The following PRKD1 variants were observed in gnomAD, a reference collection of about 807,000 sequenced individuals.
PRKD1 encodes the protein protein kinase D1, also known as serine/threonine-protein kinase D1.
In PRKD1, 63 loss-of-function variants were observed where a neutral mutation model predicts 95.9. That is an observed-to-expected ratio of 0.66 (90% CI 0.54 to 0.81). PRKD1 has a LOEUF of 0.81. PRKD1 is among the 30% of genes least tolerant of loss of function. The pLI, the probability that PRKD1 is intolerant of heterozygous loss-of-function variation, is 0.00. For synonymous variants in PRKD1, 425 were observed against 423.1 expected (o/e 1.00, Z -0.05); for missense variants, 1,048 against 1,165.3 (o/e 0.90, Z 1.47).
At chr14:29,701,220 C>T (rs1463711810) in intron 2 of PRKD1, among the ~76,000 whole-genome samples, 1 of 152,154 alleles carries the variant, frequency 6.6e-6, no homozygotes, top group Non-Finnish European at 1.5e-5. Context: ...AGACTAGCAG[C>T]ATCAGCATCA....
chr14:29,649,414 T>C (rs1421906967), intron 4 of PRKD1, among the ~76,000 whole-genome samples: 1 of 151,062 alleles, frequency 6.6e-6, no homozygotes, highest in Non-Finnish European at 1.5e-5. Flanking sequence ...GGTTTGGTTT[T>C]TGTTACAAGT....
At chr14:29,607,636 A>T (rs1468412030) in intron 13 of PRKD1, among the ~76,000 whole-genome samples, 1 of 151,998 alleles carries the variant, frequency 6.6e-6, no homozygotes, top group African/African-American at 2.4e-5. Context: ...CTGCGTGTGG[A>T]GTCCTTCTCA....
intron 1 of PRKD1, among the ~76,000 whole-genome samples, chr14:29,834,225 GT>G (rs1891525011): frequency 6.6e-6 from 1 of 152,074 alleles, no homozygotes; most frequent in Non-Finnish European, 1.5e-5. Context: ...GCCATTCATT[GT>G]TTTAGTAGAA....
At chr14:29,782,328 T>A (rs1460190746) in intron 1 of PRKD1, among the ~76,000 whole-genome samples, 1 of 152,154 alleles carries the variant, frequency 6.6e-6, no homozygotes, top group Non-Finnish European at 1.5e-5. Flanking sequence ...TCTTGAAGAC[T>A]ATATTAATTT....
chr14:29,843,412 G>T (rs189200671), intron 1 of PRKD1, among the ~76,000 whole-genome samples: 1 of 152,242 alleles, frequency 6.6e-6, no homozygotes, highest in Non-Finnish European at 1.5e-5. Context: ...TGGAAGATAA[G>T]TGCAAGGTAT....
intron 1 of PRKD1, among the ~76,000 whole-genome samples, chr14:29,862,388 T>C (rs1467700195): frequency 6.6e-6 from 1 of 152,222 alleles, no homozygotes; most frequent in Non-Finnish European, 1.5e-5. Context: ...GTGGTATTTC[T>C]GTACCCTCAG....
At chr14:29,760,497 A>T (rs1050352912) in intron 1 of PRKD1, among the ~76,000 whole-genome samples, 1 of 151,842 alleles carries the variant, frequency 6.6e-6, no homozygotes, top group African/African-American at 2.4e-5. Flanking sequence ...CTGGGACTAC[A>T]GGTTTGTGCT....
At chr14:29,634,315 T>C in intron 8 of PRKD1, 103 bp downstream of exon 8, 2 of 1,556,322 alleles carry the variant, frequency 1.3e-6, no homozygotes, top group South Asian at 2.3e-5. Context: ...GTGCTGAGGT[T>C]TACTCTGAGT....
chr14:29,721,515 A>T (rs138026296), intron 2 of PRKD1, among the ~76,000 whole-genome samples: 1 of 152,162 alleles, frequency 6.6e-6, no homozygotes, highest in Non-Finnish European at 1.5e-5. Flanking sequence ...CCAACCAAAC[A>T]AACAGTGTTT....
intron 2 of PRKD1, among the ~76,000 whole-genome samples, chr14:29,686,318 C>T (rs1056444164): frequency 6.6e-6 from 1 of 152,162 alleles, no homozygotes; most frequent in African/African-American, 2.4e-5. Flanking sequence ...GGGGTGGAAG[C>T]GTCTGGGGGA....
At chr14:29,689,268 G>GA (rs199959754) in intron 2 of PRKD1, among the ~76,000 whole-genome samples, 11,972 of 147,996 alleles carry the variant, frequency 0.081, 906 homozygotes, top group African/African-American at 0.2. Context: ...AAATTTACAA[G>GA]AAAAAAAAAA....
chr14:29,826,542 ATG>A (rs1163707042), intron 1 of PRKD1, among the ~76,000 whole-genome samples: 5 of 43,788 alleles, frequency 1.1e-4, no homozygotes, highest in East Asian at 5.8e-4. Flanking sequence ...GATGGAATAT[ATG>A]TATACATATA....
At chr14:29,606,594 C>T (rs992093973) in intron 13 of PRKD1, among the ~76,000 whole-genome samples, 4 of 152,124 alleles carry the variant, frequency 2.6e-5, no homozygotes, top group African/African-American at 4.8e-5. Context: ...TCAGATCATT[C>T]TCAAAAGCCA....
intron 1 of PRKD1, among the ~76,000 whole-genome samples, chr14:29,823,326 T>C (rs1890989787): frequency 6.6e-6 from 1 of 152,228 alleles, no homozygotes. Flanking sequence ...TTTTGATATA[T>C]GTTAAATTAC....
chr14:29,921,347 T>G (rs1895098370), intron 1 of PRKD1, among the ~76,000 whole-genome samples: 1 of 151,664 alleles, frequency 6.6e-6, no homozygotes, highest in African/African-American at 2.4e-5. Flanking sequence ...TACAGCCATA[T>G]TGCTTTTTTT....
At chr14:29,885,360 A>C (rs1893664988) in intron 1 of PRKD1, among the ~76,000 whole-genome samples, 1 of 152,108 alleles carries the variant, frequency 6.6e-6, no homozygotes, top group African/African-American at 2.4e-5. Context: ...ACTGCTATTC[A>C]AAAAAGCAAA....
intron 1 of PRKD1, among the ~76,000 whole-genome samples, chr14:29,904,775 A>C (rs1421614563): frequency 1.3e-5 from 2 of 152,230 alleles, no homozygotes; most frequent in Non-Finnish European, 2.9e-5. Context: ...TTCAAAGGCC[A>C]AGGTGGATTA....
At chr14:29,717,456 A>G (rs1047119141) in intron 2 of PRKD1, among the ~76,000 whole-genome samples, 5 of 152,170 alleles carry the variant, frequency 3.3e-5, no homozygotes, top group African/African-American at 1.2e-4. Flanking sequence ...AACATTATAT[A>G]AGAAATAAAT....
intron 1 of PRKD1, among the ~76,000 whole-genome samples, chr14:29,793,714 T>C (rs759518118): frequency 3.3e-5 from 5 of 152,074 alleles, no homozygotes; most frequent in African/African-American, 1.2e-4. Flanking sequence ...CATAACTCCA[T>C]TGAATAAACA....
Sources: gnomAD v4.1 joint callset for allele counts (sites outside exome capture counted in the v4.1 genomes callset) on GRCh38, gnomAD v4.1.1 for gene constraint, MANE v1.5 for transcripts, NCBI Gene and HGNC (gene_info 2026-07-23, HGNC 2026-07-21) for gene names.